The following ATP10D variants were observed in gnomAD, a reference collection of about 807,000 sequenced individuals.
The protein encoded by ATP10D is ATPase phospholipid transporting 10D (putative), also known as phospholipid-transporting ATPase VD.
Under a neutral mutation model 144.8 loss-of-function variants are expected in ATP10D, and 89 were observed. That is an observed-to-expected ratio of 0.61 (90% confidence interval 0.52 to 0.73). The LOEUF is 0.73. Ranked by LOEUF, ATP10D falls within the 30% of genes least tolerant of loss-of-function variation. The pLI is 0.00. For synonymous variants in ATP10D, 571 were observed against 615.1 expected (o/e 0.93, Z 1.06); for missense variants, 1,603 against 1,714.8 (o/e 0.93, Z 1.15).
At chr4:47,563,909 T>C (rs1465477151) in intron 15 of ATP10D, 144 bp downstream of exon 15, 1 of 885,702 alleles carries the variant, frequency 1.1e-6, no homozygotes, top group Admixed American at 3.4e-5. Flanking sequence ...TTTGGTTTTT[T>C]TGAGACGGAA....
chr4:47,507,640 T>C (rs185016428), intron 1 of ATP10D, among the ~76,000 whole-genome samples: 1 of 152,316 alleles, frequency 6.6e-6, no homozygotes, highest in African/African-American at 2.4e-5. Flanking sequence ...AATTCAGTGA[T>C]CAACAGACAT....
At chr4:47,495,123 C>T (rs1457181476) in intron 1 of ATP10D, among the ~76,000 whole-genome samples, 3 of 152,134 alleles carry the variant, frequency 2.0e-5, no homozygotes, top group African/African-American at 7.2e-5. Flanking sequence ...TTGCCTTTAT[C>T]AAGAAGCTTA....
At chr4:47,529,166 T>C (rs1717429702) in intron 5 of ATP10D, among the ~76,000 whole-genome samples, 1 of 152,222 alleles carries the variant, frequency 6.6e-6, no homozygotes, top group Non-Finnish European at 1.5e-5. Flanking sequence ...TTGTCTATTT[T>C]TGTTTTGTTG....
intron 1 of ATP10D, among the ~76,000 whole-genome samples, chr4:47,487,718 G>T (rs1045348143): frequency 2.0e-5 from 3 of 152,162 alleles, no homozygotes; most frequent in African/African-American, 7.2e-5. Context: ...TCGCTTTGCA[G>T]AATAAGGACT....
intron 9 of ATP10D, among the ~76,000 whole-genome samples, chr4:47,544,883 C>T (rs12502166): frequency 0.23 from 35,739 of 152,144 alleles, 4,197 homozygotes; most frequent in Admixed American, 0.3. Flanking sequence ...ATATTCCAGA[C>T]ACTGGATACA....
rs185611178 is a variant in ATP10D at position 47,535,531 on chromosome 4, G to T, written c.799G>T (p.Val267Leu). Residue 267 changes from valine (V) to leucine (L), a missense_variant, in exon 6 of 23, where the codon GTG becomes TTG. By Grantham distance (32) the Val-to-Leu change is conservative (BLOSUM62 1). Coordinates refer to ENST00000273859, the MANE Select transcript of ATP10D (RefSeq NM_020453.4). ...GFLEHSNKER[V>L]GLSKENLLLR... is the part of the protein sequence containing the mutation. ...TAGAGAACATTCCAACAAAGAACGC[G>T]TGGGTCTCAGTAAAGAAAATTTGTT... The T allele has an allele frequency of 5.8e-5, 94 of 1,612,364 alleles. No homozygotes were observed. In the East Asian group the frequency reaches 1.6e-3, roughly 27 times the overall value.
At chr4:47,493,352 C>T (rs1180559850) in intron 1 of ATP10D, among the ~76,000 whole-genome samples, 1 of 152,200 alleles carries the variant, frequency 6.6e-6, no homozygotes, top group Non-Finnish European at 1.5e-5. Flanking sequence ...AAGAGATACA[C>T]ATTTAGTAGA....
chr4:47,487,956 C>T (rs1714857836), intron 1 of ATP10D, among the ~76,000 whole-genome samples: 4 of 152,084 alleles, frequency 2.6e-5, no homozygotes, highest in Admixed American at 2.6e-4. Flanking sequence ...TCTGCATGGT[C>T]CCATTTTGCT....
intron 2 of ATP10D, among the ~76,000 whole-genome samples, chr4:47,513,126 G>T (rs1377470600): frequency 6.6e-6 from 1 of 152,198 alleles, no homozygotes; most frequent in Non-Finnish European, 1.5e-5. Context: ...GCAGACCAGG[G>T]GCTGCCTCTG....
intron 1 of ATP10D, among the ~76,000 whole-genome samples, chr4:47,500,188 C>T (rs1715610883): frequency 6.6e-6 from 1 of 152,056 alleles, no homozygotes; most frequent in African/African-American, 2.4e-5. Context: ...TATCAGTGAA[C>T]CAAAAAGACA....
intron 3 of ATP10D, among the ~76,000 whole-genome samples, chr4:47,516,200 A>AG (rs1272800226): frequency 1.3e-5 from 2 of 151,888 alleles, no homozygotes; most frequent in African/African-American, 4.8e-5. Flanking sequence ...ACTGCACTCC[A>AG]GCCACTGCAT....
In ATP10D at chr4:47,536,331, G is replaced by A. The variant is rs1717844046; in HGVS notation, c.1016-106G>A. On this transcript the variant is annotated intron_variant, in intron 7 of 22. Transcript: ENST00000273859. ...TTGTTTCCAAAAACAAACAGTTGATGTCCAACCAAAATGAATACTCTCATT... is the reference window on the plus strand; with the variant it reads ...TTGTTTCCAAAAACAAACAGTTGATATCCAACCAAAATGAATACTCTCATT... 2.1e-6 allele frequency: 3 copies of A among 1,408,786 alleles called. No individual in the cohort carries two copies. The Admixed American group carries it at 6.5e-5, about 30-fold the overall frequency. 87.3% of individuals were successfully genotyped at this position (1,408,786 alleles called of 1,614,324 possible).
chr4:47,580,363 T>TA, intron 19 of ATP10D, 35 bp from the exon 20 acceptor site: 1 of 1,516,552 alleles, frequency 6.6e-7, no homozygotes, highest in Non-Finnish European at 9.2e-7. Flanking sequence ...CCCTTGTTAA[T>TA]CTTACTACCT....
At chr4:47,508,606 T>C (rs1716148159) in intron 1 of ATP10D, among the ~76,000 whole-genome samples, 1 of 152,258 alleles carries the variant, frequency 6.6e-6, no homozygotes, top group Admixed American at 6.5e-5. Context: ...TTCCTTCATT[T>C]AAAACGGGTG....
chr4:47,551,892 A>G (rs911159037), intron 10 of ATP10D, among the ~76,000 whole-genome samples: 2 of 152,224 alleles, frequency 1.3e-5, no homozygotes, highest in Admixed American at 6.5e-5. Context: ...TGGTGACTCT[A>G]TATCTTCACC....
At chr4:47,496,812 A>G (rs1177795608) in intron 1 of ATP10D, among the ~76,000 whole-genome samples, 1 of 151,986 alleles carries the variant, frequency 6.6e-6, no homozygotes, top group Non-Finnish European at 1.5e-5. Flanking sequence ...AGAAATGAAT[A>G]ATTTTTAATA....
chr4:47,520,521 A>T (rs948122479), intron 3 of ATP10D, among the ~76,000 whole-genome samples: 3 of 151,850 alleles, frequency 2.0e-5, no homozygotes, highest in African/African-American at 7.3e-5. Context: ...TATTCTTTTC[A>T]TAGGTAACCT....
chr4:47,552,501 C>T (rs1718776992), intron 10 of ATP10D, among the ~76,000 whole-genome samples: 1 of 152,154 alleles, frequency 6.6e-6, no homozygotes, highest in Admixed American at 6.5e-5. Flanking sequence ...TCCCTTGGAC[C>T]TGTTTTATAA....
intron 3 of ATP10D, among the ~76,000 whole-genome samples, chr4:47,518,259 G>A (rs1364211240): frequency 6.6e-6 from 1 of 152,044 alleles, no homozygotes; most frequent in East Asian, 1.9e-4. Context: ...TGTTTCACAA[G>A]GCGCTTAATT....
Sources: gnomAD v4.1 joint callset for allele counts (sites outside exome capture counted in the v4.1 genomes callset) on GRCh38, gnomAD v4.1.1 for gene constraint, MANE v1.5 for transcripts, NCBI Gene and HGNC (gene_info 2026-07-23, HGNC 2026-07-21) for gene names.